Variants in KDM8 observed in about 807,000 individuals in gnomAD.
KDM8 encodes the protein bifunctional peptidase and arginyl-hydroxylase JMJD5.
In KDM8, 35 loss-of-function variants were observed where a neutral mutation model predicts 46.9. That is an observed-to-expected ratio of 0.75 (90% CI 0.57 to 0.99). KDM8 has a LOEUF of 0.99. Among genes scored for constraint, KDM8 ranks in the 50% least tolerant of loss-of-function variants. KDM8 has a pLI of 0.00. For synonymous variants in KDM8, 232 were observed against 227.7 expected (o/e 1.02, Z -0.17); for missense variants, 475 against 537.0 (o/e 0.88, Z 1.14).
Position 27,220,716 on chromosome 16 carries a change from T to C in KDM8, c.1237T>C (p.Phe413Leu). The C allele has an allele frequency of 6.2e-7, 1 of 1,614,168 alleles. No individual in the cohort carries two copies. The highest frequency in any genetic ancestry group is 1.1e-5 in the South Asian group (1 of 91,080). Residue 413 changes from phenylalanine (F) to leucine (L), a missense_variant, in exon 8 of 8, where the codon TTC (phenylalanine) becomes CTC (leucine). Coordinates refer to ENST00000286096, the MANE Select transcript of KDM8 (RefSeq NM_024773.3). ...RALDLSFSVS[F>L]WWS ...TCTGGATTTGAGCTTCTCGGTCAGC[T>C]TCTGGTGGTCGTAGCCAGGATAGGA...
At chr16:27,211,529 C>T (rs1030344590) in intron 2 of KDM8, 13 of 201,738 alleles carry the variant, frequency 6.4e-5, no homozygotes, top group Non-Finnish European at 1.1e-4. Flanking sequence ...CTTTGAGCCT[C>T]GGTTTCCTTG....
rs769162926 is a variant in KDM8, at chr16:27,210,128, C to A, written c.5C>A (p.Ala2Asp). 16 of 1,611,758 alleles carry A rather than the reference C, an allele frequency of 9.9e-6. No homozygotes were observed. The highest frequency in any genetic ancestry group is 6.8e-6 in the Non-Finnish European group (8 of 1,179,202). ...GAACCAGCTGGTGGTGGCCCGATGG[C>A]TGGAGACACCCACTGCCCCGCAGAG... is the stretch of plus-strand genomic sequence containing the variant. Reference protein sequence around the residue: MAGDTHCPAEPL... With the variant: MDGDTHCPAEPL... Residue 2 changes from alanine (A) to aspartate (D), a missense_variant, in exon 2 of 8, where the codon GCT becomes GAT. By Grantham distance (126) the Ala-to-Asp change is moderately radical. Coordinates refer to ENST00000286096, the MANE Select transcript of KDM8 (RefSeq NM_024773.3).
intron 1 of KDM8, among the ~76,000 whole-genome samples, chr16:27,207,624 G>C (rs369091030): frequency 2.0e-5 from 3 of 152,248 alleles, no homozygotes; most frequent in East Asian, 1.9e-4. Flanking sequence ...CTGTCACCCA[G>C]ATGGGAGTGC....
intron 1 of KDM8, among the ~76,000 whole-genome samples, chr16:27,206,671 A>G (rs1401924200): frequency 1.3e-5 from 2 of 152,242 alleles, no homozygotes; most frequent in African/African-American, 4.8e-5. Context: ...TTTCCTCTAG[A>G]AAACCTCTTG....
chr16:27,203,976 G>A (rs1156649698), intron 1 of KDM8: 31 of 781,538 alleles, frequency 4.0e-5, no homozygotes, highest in South Asian at 3.6e-5. Flanking sequence ...TGTAGGCCTA[G>A]TGCGCCTGCG....
At position 27,215,944 on chromosome 16, in the gene KDM8, G is replaced by C. The variant is rs2083545854; in HGVS notation, c.799-1G>C. On this transcript the variant is annotated splice_acceptor_variant, in intron 4 of 7. Transcript: ENST00000286096. LOFTEE classifies it high-confidence loss of function. ...GCCTCTGGTTTTCCCCGGTGGATTA[G>C]CCAAGGGACGTCGGGTACCTTGCTC... 2.5e-6 allele frequency: 4 copies of C among 1,614,162 alleles called. No individual in the cohort carries two copies. Among genetic ancestry groups the C allele is most frequent in the Non-Finnish European group, 3.4e-6 (4 of 1,180,022 alleles).
In KDM8 at chr16:27,220,871, G is replaced by A. The variant is rs1335959653; in HGVS notation, c.*141G>A. On this transcript the variant is annotated 3_prime_UTR_variant, in exon 8 of 8. Coordinates refer to ENST00000286096, the MANE Select transcript of KDM8 (RefSeq NM_024773.3). The stretch of plus-strand genomic sequence containing the variant: ...TCACTGCCCAGTGGCAGCCCTGGGG[G>A]GCTGAGCTCCAGCACTGGACAGGCA... The A allele has an allele frequency of 3.0e-6, 3 of 1,013,324 alleles. No homozygotes were observed. 62.8% of individuals were successfully genotyped at this position (1,013,324 alleles called of 1,614,324 possible).
At chr16:27,211,067 C>T (rs1220185839) in intron 2 of KDM8, 7 of 448,632 alleles carry the variant, frequency 1.6e-5, no homozygotes, top group Non-Finnish European at 3.1e-5. Flanking sequence ...GTGTGAGCCA[C>T]CGTGCTCAGC....
rs374966667 is a variant in KDM8 at position 27,210,275 on chromosome 16, G to A, written c.152G>A (p.Arg51Gln). ...AGGAGCGTGGTGACATTGTTGCAGC[G>A]AGCCACTGAGCTCTTCTACGAGGGC... Reference protein sequence around the residue: ...VERSVVTLLQRATELFYEGRR... With the variant: ...VERSVVTLLQQATELFYEGRR... The change falls in exon 2 of 8, where the codon CGA becomes CAA. Residue 51 changes from arginine (R) to glutamine (Q), a missense_variant. Physicochemically the swap from Arg to Gln is conservative, Grantham distance 43. Coordinates refer to ENST00000286096, the MANE Select transcript of KDM8 (RefSeq NM_024773.3). The A allele has an allele frequency of 1.1e-5, 18 of 1,613,146 alleles. No homozygotes were observed. The highest frequency in any genetic ancestry group is 1.4e-5 in the Non-Finnish European group (17 of 1,180,056).
intron 2 of KDM8, among the ~76,000 whole-genome samples, chr16:27,212,838 T>A (rs1008330811): frequency 2.6e-5 from 4 of 152,206 alleles, no homozygotes; most frequent in Admixed American, 1.3e-4. Context: ...ACTACAGGCA[T>A]GTACCACCAC....
At chr16:27,211,082 A>G in intron 2 of KDM8, 1 of 450,108 alleles carries the variant, frequency 2.2e-6, no homozygotes, top group South Asian at 1.6e-5. Context: ...CTCAGCCCCC[A>G]TTGACTTTGG....
intron 5 of KDM8, among the ~76,000 whole-genome samples, chr16:27,217,450 G>C (rs1034292252): frequency 3.3e-5 from 5 of 152,214 alleles, no homozygotes; most frequent in Admixed American, 6.5e-5. Context: ...TTTCTGCTCA[G>C]ATTCCACAGG....
At chr16:27,217,188 TCTAC>T (rs979376417) in intron 5 of KDM8, among the ~76,000 whole-genome samples, 36 of 152,302 alleles carry the variant, frequency 2.4e-4, no homozygotes, top group African/African-American at 8.4e-4. Context: ...TAGAACCTTC[TCTAC>T]CTACAGGACG....
chr16:27,220,479 G>T lies in KDM8; in HGVS notation c.1080G>T (p.Thr360=). The part of the protein sequence containing the change: ...YPHDTHLLHN[T]SQVDVENPDL... The stretch of plus-strand genomic sequence containing the variant: ...ATGACACGCACCTTCTCCATAACAC[G>T]AGCCAGGTGGGCACTGGGGGTCTGG... The change falls in exon 7 of 8, where the codon ACG becomes ACT. Residue 360 remains threonine (T), a synonymous_variant. Coordinates refer to ENST00000286096, the MANE Select transcript of KDM8 (RefSeq NM_024773.3). 4.3e-6 allele frequency: 7 copies of T among 1,614,142 alleles called. No homozygotes were observed. The highest frequency in any genetic ancestry group is 4.2e-6 in the Non-Finnish European group (5 of 1,179,988).
intron 1 of KDM8, among the ~76,000 whole-genome samples, chr16:27,208,734 G>A (rs554908806): frequency 6.6e-6 from 1 of 152,328 alleles, no homozygotes; most frequent in South Asian, 2.1e-4. Context: ...CCCATGTGGT[G>A]TCTTGTGCTG....
At chr16:27,216,079 G>A (rs767759255) in intron 5 of KDM8, 90 bp downstream of exon 5, 42 of 1,375,388 alleles carry the variant, frequency 3.1e-5, no homozygotes, top group East Asian at 2.3e-4. Context: ...AGCAGTGAGC[G>A]TGAGTAGGAG....
chr16:27,204,099 C>T, intron 1 of KDM8: 5 of 1,547,996 alleles, frequency 3.2e-6, no homozygotes, highest in Non-Finnish European at 4.4e-6. Flanking sequence ...AAATATGAGC[C>T]GCGAGAAATG....
At position 27,216,198 on chromosome 16, in the gene KDM8, G is replaced by T. The variant is rs1368249250; in HGVS notation, c.843+209G>T. 41 of 601,782 alleles carry T rather than the reference G, an allele frequency of 6.8e-5. 1 individual carries two copies. In the South Asian group the frequency reaches 7.8e-4, roughly 11 times the overall value. 37.3% of individuals were successfully genotyped at this position (601,782 alleles called of 1,614,324 possible). On this transcript the variant is annotated intron_variant, in intron 5 of 7. Coordinates refer to ENST00000286096, the MANE Select transcript of KDM8 (RefSeq NM_024773.3). The stretch of plus-strand genomic sequence containing the variant: ...GTCGCCAGTGCCCCGAGGATTGTAG[G>T]GGCTGCTATTCAGAGATGAAGGGAG...
rs2083628307 is a variant in KDM8, at chr16:27,221,585, C to T, written c.*855C>T. The T allele has an allele frequency of 6.6e-6, 1 of 152,310 alleles. No homozygotes were observed. The highest frequency in any genetic ancestry group is 2.4e-5 in the African/African-American group (1 of 41,450). 9.4% of individuals were successfully genotyped at this position (152,310 alleles called of 1,614,324 possible). A position where few individuals can be genotyped will look rare whatever the true frequency, so the allele number is the denominator to read the frequency against. ...CCTACCACCTTCTAGTCACCATCCC[C>T]CAGAAGTAATGACTCTCAAACCTGG... On this transcript the variant is annotated 3_prime_UTR_variant, in exon 8 of 8. Transcript: ENST00000286096.
Sources: allele counts gnomAD v4.1 joint callset (sites outside exome capture counted in the v4.1 genomes callset), GRCh38; gene constraint gnomAD v4.1.1; transcripts MANE v1.5; gene names NCBI Gene and HGNC (gene_info 2026-07-23, HGNC 2026-07-21).